PHF20: variants seen among roughly 807,000 people sequenced by gnomAD.
PHF20 encodes PHD finger protein 20, also known as glioma-expressed antigen 2.
PHF20 carries 23 observed loss-of-function variants against 113.5 expected under a neutral mutation model. The observed-to-expected ratio is 0.20, with a 90% CI of 0.15 to 0.29. The LOEUF is 0.29. Ranked by LOEUF, PHF20 falls within the 10% of genes least tolerant of loss-of-function variation. The pLI, the probability that PHF20 is intolerant of heterozygous loss-of-function variation, is 1.00. For synonymous variants in PHF20, 434 were observed against 457.3 expected (o/e 0.95, Z 0.65); for missense variants, 943 against 1,219.6 (o/e 0.77, Z 3.38).
intron 2 of PHF20, among the ~76,000 whole-genome samples, chr20:35,813,671 A>G (rs945251687): frequency 3.3e-5 from 5 of 152,200 alleles, no homozygotes; most frequent in Admixed American, 6.6e-5. Flanking sequence ...AAGCCTGGTC[A>G]ACATAGTGAA....
chr20:35,794,300 C>CAAA (rs369191805), intron 1 of PHF20, among the ~76,000 whole-genome samples: 12 of 96,128 alleles, frequency 1.2e-4, no homozygotes, highest in African/African-American at 1.7e-4. Context: ...AACTCTGTCT[C>CAAA]AAAAAAAAAA....
chr20:35,841,269 G>A (rs2042530288), intron 2 of PHF20, among the ~76,000 whole-genome samples: 1 of 151,904 alleles, frequency 6.6e-6, no homozygotes, highest in African/African-American at 2.4e-5. Context: ...CACGAGCTGG[G>A]GAGAGGGAGG....
chr20:35,850,296 GTTTTTTTTTTTTTTTT>G (rs554100863), intron 4 of PHF20, among the ~76,000 whole-genome samples: 12 of 62,358 alleles, frequency 1.9e-4, no homozygotes, highest in South Asian at 1.6e-3. Context: ...TTCCCCCTCC[GTTTTTTTTTTTTTTTT>G]TTTTTTTTTT....
intron 15 of PHF20, among the ~76,000 whole-genome samples, chr20:35,938,378 A>C (rs917961108): frequency 6.6e-6 from 1 of 152,116 alleles, no homozygotes; most frequent in Non-Finnish European, 1.5e-5. Context: ...CAGATCAGAC[A>C]GATAATTAGC....
intron 10 of PHF20, among the ~76,000 whole-genome samples, chr20:35,905,799 A>T: frequency 6.6e-6 from 1 of 152,374 alleles, no homozygotes; most frequent in East Asian, 1.9e-4. Context: ...ATCAAGGGGA[A>T]TAAACCAATC....
rs2056156090 is a variant in PHF20, at chr20:35,950,242, A to C, written c.*2615A>C. The C allele has an allele frequency of 6.6e-6, 1 of 152,664 alleles. No individual in the cohort carries two copies. The highest frequency in any genetic ancestry group is 2.4e-5 in the African/African-American group (1 of 41,464). 9.5% of individuals were successfully genotyped at this position (152,664 alleles called of 1,614,324 possible). On this transcript the variant is annotated 3_prime_UTR_variant, in exon 18 of 18. Coordinates refer to ENST00000374012, the MANE Select transcript of PHF20 (RefSeq NM_016436.5). ...TGAGCCAACATTGCACTGTGGATAC[A>C]TATCTATGTTTACGCGCTATTAGAA... is the stretch of plus-strand genomic sequence containing the variant.
At chr20:35,939,602 A>T (rs964290891) in intron 16 of PHF20, among the ~76,000 whole-genome samples, 2 of 152,210 alleles carry the variant, frequency 1.3e-5, no homozygotes, top group African/African-American at 2.4e-5. Flanking sequence ...TGCTGGTTTC[A>T]TCAGTTTTCC....
intron 1 of PHF20, among the ~76,000 whole-genome samples, chr20:35,794,556 A>T (rs2041630299): frequency 6.6e-6 from 1 of 152,148 alleles, no homozygotes; most frequent in South Asian, 2.1e-4. Context: ...TCACCCTTTA[A>T]TGGAGGTTGA....
rs1227142944 is a variant in PHF20 at position 35,948,500 on chromosome 20, C to T, written c.*873C>T. On this transcript the variant is annotated 3_prime_UTR_variant, in exon 18 of 18. Transcript: ENST00000374012. Reference sequence around the variant, plus strand: ...ACAAAGAATGTGGTTTGGGGAATTACCTTATTTTATATTGTTGTAAACAAA... The same window carrying T: ...ACAAAGAATGTGGTTTGGGGAATTATCTTATTTTATATTGTTGTAAACAAA... 6.6e-6 allele frequency: 1 copy of T among 152,616 alleles called. No homozygotes were observed. Among genetic ancestry groups the T allele is most frequent in the Non-Finnish European group, 1.5e-5 (1 of 68,026 alleles). 9.5% of individuals were successfully genotyped at this position (152,616 alleles called of 1,614,324 possible).
chr20:35,851,051 C>G (rs1339830061), intron 4 of PHF20: 1 of 346,312 alleles, frequency 2.9e-6, no homozygotes, highest in Non-Finnish European at 5.5e-6. Flanking sequence ...GCCTCAGCCT[C>G]CCGAATCTCC....
intron 9 of PHF20, among the ~76,000 whole-genome samples, chr20:35,880,621 A>G (rs953293597): frequency 2.0e-5 from 3 of 152,136 alleles, no homozygotes; most frequent in Admixed American, 6.6e-5. Context: ...AAATTCCCCA[A>G]TTGCTAGCAA....
chr20:35,857,823 A>T (rs533601989), intron 4 of PHF20, among the ~76,000 whole-genome samples: 1 of 152,164 alleles, frequency 6.6e-6, no homozygotes, highest in African/African-American at 2.4e-5. Context: ...TGACCTTGTC[A>T]TCCGCCTGCC....
At chr20:35,838,831 A>AG (rs2042489115) in intron 2 of PHF20, among the ~76,000 whole-genome samples, 1 of 151,424 alleles carries the variant, frequency 6.6e-6, no homozygotes, top group South Asian at 2.1e-4. Flanking sequence ...CTACAAAAAA[A>AG]AAAACCCAAT....
chr20:35,815,834 A>G (rs2042064080), intron 2 of PHF20, among the ~76,000 whole-genome samples: 1 of 152,190 alleles, frequency 6.6e-6, no homozygotes, highest in Non-Finnish European at 1.5e-5. Context: ...CAGAAGTTGT[A>G]GTGAGCCAAG....
chr20:35,938,901 C>T lies in PHF20; in HGVS notation c.2505C>T (p.Ile835=), dbSNP rs1026427627. ...PLPRSVEESY[I]TSEHCYQKPR... Reference sequence around the variant, plus strand: ...CGCGTTCTGTGGAGGAATCCTATATCACCAGTGAGCATTGCTACCAGAAGC... The same window carrying T: ...CGCGTTCTGTGGAGGAATCCTATATTACCAGTGAGCATTGCTACCAGAAGC... Residue 835 remains isoleucine (I), a synonymous_variant, in exon 16 of 18, where the codon ATC becomes ATT. Transcript: ENST00000374012. The T allele has an allele frequency of 6.2e-7, 1 of 1,614,206 alleles. No individual in the cohort carries two copies. Among genetic ancestry groups the T allele is most frequent in the Non-Finnish European group, 8.5e-7 (1 of 1,180,016 alleles).
At chr20:35,816,514 A>C (rs1192451188) in intron 2 of PHF20, among the ~76,000 whole-genome samples, 1 of 151,328 alleles carries the variant, frequency 6.6e-6, no homozygotes. Context: ...CAATGGCGCA[A>C]TCTCCGGTCA....
At chr20:35,813,833 G>A (rs913845811) in intron 2 of PHF20, among the ~76,000 whole-genome samples, 6 of 149,662 alleles carry the variant, frequency 4.0e-5, no homozygotes, top group African/African-American at 1.5e-4. Flanking sequence ...ACTCCAGCCT[G>A]TGTGTGAGCC....
intron 2 of PHF20, among the ~76,000 whole-genome samples, chr20:35,806,767 T>C (rs1383887387): frequency 6.6e-6 from 1 of 152,002 alleles, no homozygotes; most frequent in Admixed American, 6.6e-5. Flanking sequence ...TTTATTTTAT[T>C]TGTTGTATTC....
intron 2 of PHF20, among the ~76,000 whole-genome samples, chr20:35,809,622 G>A (rs1188460579): frequency 6.6e-6 from 1 of 151,322 alleles, no homozygotes; most frequent in Non-Finnish European, 1.5e-5. Context: ...GGTGACTCAT[G>A]CCTGTAATCC....
Sources: gnomAD v4.1 joint callset for allele counts (sites outside exome capture counted in the v4.1 genomes callset) on GRCh38, gnomAD v4.1.1 for gene constraint, MANE v1.5 for transcripts, NCBI Gene and HGNC (gene_info 2026-07-23, HGNC 2026-07-21) for gene names.